Variants in RGS7 observed in about 807,000 individuals in gnomAD.
RGS7 encodes the protein regulator of G-protein signaling 7.
Under a neutral mutation model 81.1 loss-of-function variants are expected in RGS7, and 27 were observed. The ratio of observed to expected loss-of-function variants is 0.33; its 90% CI spans 0.25 to 0.46. RGS7 has a LOEUF of 0.46. Among genes scored for constraint, RGS7 ranks in the 20% least tolerant of loss-of-function variants. The pLI, the probability that RGS7 is intolerant of heterozygous loss-of-function variation, is 1.00. For synonymous variants in RGS7, 208 were observed against 207.7 expected, an observed-to-expected ratio of 1.00 and a Z score of -0.01; for missense variants, 396 against 607.4, an observed-to-expected ratio of 0.65 and a Z score of 3.66.
intron 2 of RGS7, among the ~76,000 whole-genome samples, chr1:241,319,528 AT>A (rs1031706350): frequency 3.9e-5 from 6 of 151,968 alleles, no homozygotes; most frequent in African/African-American, 1.4e-4. Flanking sequence ...TTTATTAAAA[AT>A]ATTATTATGT....
At chr1:241,259,685 T>TATATATAA (rs1302382859) in intron 2 of RGS7, among the ~76,000 whole-genome samples, 101 of 100,792 alleles carry the variant, frequency 1.0e-3, no homozygotes, top group African/African-American at 3.5e-3. Context: ...TATATATATA[T>TATATATAA]AATTAAAATA....
At chr1:240,817,601 CTTTTTA>C (rs778734497) in intron 10 of RGS7, among the ~76,000 whole-genome samples, 8 of 151,912 alleles carry the variant, frequency 5.3e-5, no homozygotes, top group Non-Finnish European at 5.9e-5. Context: ...GCCCTCCGTC[CTTTTTA>C]TTTTTATTTT....
intron 2 of RGS7, among the ~76,000 whole-genome samples, chr1:241,302,922 G>T (rs982431025): frequency 6.6e-6 from 1 of 151,640 alleles, no homozygotes; most frequent in Non-Finnish European, 1.5e-5. Flanking sequence ...TATCACGTCC[G>T]GTAGCGGTTA....
chr1:241,298,070 C>G (rs2079529333), intron 2 of RGS7, among the ~76,000 whole-genome samples: 1 of 152,154 alleles, frequency 6.6e-6, no homozygotes, highest in African/African-American at 2.4e-5. Flanking sequence ...TTAAAGGGAA[C>G]TCAAGTGGCA....
intron 2 of RGS7, among the ~76,000 whole-genome samples, chr1:241,312,217 G>A (rs533818402): frequency 6.6e-6 from 1 of 152,294 alleles, no homozygotes; most frequent in South Asian, 2.1e-4. Context: ...CTAGGCACTG[G>A]AGATGCACTG....
At chr1:241,259,491 A>C (rs1368624470) in intron 2 of RGS7, among the ~76,000 whole-genome samples, 2 of 150,924 alleles carry the variant, frequency 1.3e-5, no homozygotes, top group African/African-American at 4.9e-5. Context: ...CCTCTACTAA[A>C]AATACAAAAT....
At chr1:240,997,266 C>T (rs1273206411) in intron 3 of RGS7, among the ~76,000 whole-genome samples, 2 of 152,090 alleles carry the variant, frequency 1.3e-5, no homozygotes, top group Non-Finnish European at 2.9e-5. Flanking sequence ...CAGGTGTCAG[C>T]CACCGCACCT....
At chr1:240,960,023 G>A (rs1681091890) in intron 4 of RGS7, among the ~76,000 whole-genome samples, 1 of 151,774 alleles carries the variant, frequency 6.6e-6, no homozygotes, top group Non-Finnish European at 1.5e-5. Flanking sequence ...AGCCAGGTGT[G>A]GTGGCGTGTG....
intron 3 of RGS7, among the ~76,000 whole-genome samples, chr1:240,992,848 C>CA (rs757849427): frequency 0.11 from 12,624 of 111,546 alleles, 623 homozygotes; most frequent in South Asian, 0.14. Context: ...ACTAAAAATA[C>CA]AAAAAAAAAA....
intron 9 of RGS7, among the ~76,000 whole-genome samples, chr1:240,864,617 A>T (rs559335163): frequency 1.7e-4 from 26 of 152,306 alleles, no homozygotes; most frequent in African/African-American, 6.0e-4. Flanking sequence ...TAAAGGCTTA[A>T]ATAAAAATGC....
Position 240,893,206 on chromosome 1 carries a change from G to A in RGS7, c.386-23087C>T, listed in dbSNP as rs79302849. 5.7e-3 allele frequency among the ~76,000 whole-genome samples: 873 copies of A among 152,218 alleles called. 11 individuals carry two copies. Among genetic ancestry groups the A allele is most frequent in the African/African-American group, 0.02 (825 of 41,532 alleles). The stretch of plus-strand genomic sequence containing the variant: ...GAAGGCTTTCCTAAACTGGCAATAC[G>A]GTTGTTGAGTCTTAAAGGACCTAGA... On this transcript the variant is annotated intron_variant, in intron 6 of 18. Coordinates refer to ENST00000440928, the MANE Select transcript of RGS7 (RefSeq NM_001364886.1).
chr1:241,042,133 C>T (rs12059322), intron 3 of RGS7, among the ~76,000 whole-genome samples: 10,750 of 152,210 alleles, frequency 0.071, 579 homozygotes, highest in African/African-American at 0.14. Context: ...GGCTGCGATT[C>T]CTTCCAAAAG....
chr1:240,946,653 G>C (rs1429807357), intron 4 of RGS7, among the ~76,000 whole-genome samples: 2 of 152,026 alleles, frequency 1.3e-5, no homozygotes, highest in African/African-American at 4.8e-5. Context: ...AAGAAAATAT[G>C]GTTTCATAAG....
chr1:241,351,594 T>G (rs6683740), intron 2 of RGS7, among the ~76,000 whole-genome samples: 146,146 of 152,180 alleles, frequency 0.96, 70,320 homozygotes, highest in East Asian at 1. Flanking sequence ...CCTTTACAAC[T>G]AAATAAACAG....
intron 6 of RGS7, among the ~76,000 whole-genome samples, chr1:240,893,329 G>A (rs1363076590): frequency 6.6e-6 from 1 of 152,110 alleles, no homozygotes; most frequent in Non-Finnish European, 1.5e-5. Flanking sequence ...ATGAATAGTT[G>A]CAGTAAAGAC....
At chr1:241,044,584 G>A (rs1227062489) in intron 3 of RGS7, among the ~76,000 whole-genome samples, 2 of 151,736 alleles carry the variant, frequency 1.3e-5, no homozygotes, top group African/African-American at 4.9e-5. Context: ...ACCATGCTCA[G>A]CTAATTTTAA....
intron 5 of RGS7, among the ~76,000 whole-genome samples, chr1:240,936,312 G>A (rs73118017): frequency 0.025 from 3,732 of 152,268 alleles, 161 homozygotes; most frequent in African/African-American, 0.085. Flanking sequence ...CGGTCCTTCC[G>A]AATGCCATTA....
rs376531151 is a variant in RGS7, at chr1:241,146,994, C to T, written c.79-48232G>A. Among the ~76,000 whole-genome samples, 78 of 152,226 alleles carry T rather than the reference C, an allele frequency of 5.1e-4. No homozygotes were observed. The East Asian group carries it at 6.8e-3, about 13-fold the overall frequency. ...GATTTCAACATGTGAATTTTGGGGA[C>T]GTAGAAACACTCGGCTTATAGCAGT... On this transcript the variant is annotated intron_variant, in intron 2 of 18. Coordinates refer to ENST00000440928, the MANE Select transcript of RGS7 (RefSeq NM_001364886.1).
intron 4 of RGS7, among the ~76,000 whole-genome samples, chr1:240,944,105 T>C (rs549973493): frequency 6.6e-6 from 1 of 151,838 alleles, no homozygotes; most frequent in African/African-American, 2.4e-5. Context: ...TGAAAAATCA[T>C]GCTGAAATTT....
Sources: gnomAD v4.1 joint callset for allele counts (sites outside exome capture counted in the v4.1 genomes callset) on GRCh38, gnomAD v4.1.1 for gene constraint, MANE v1.5 for transcripts, NCBI Gene and HGNC (gene_info 2026-07-23, HGNC 2026-07-21) for gene names.